The following ARHGEF28 variants were observed in gnomAD, a reference collection of about 807,000 sequenced individuals.
The protein encoded by ARHGEF28 is 190 kDa guanine nucleotide exchange factor.
In ARHGEF28, 152 loss-of-function variants were observed where a neutral mutation model predicts 206.6. The ratio of observed to expected loss-of-function variants is 0.74; its 90% CI spans 0.64 to 0.84. ARHGEF28 has a LOEUF of 0.84. Ranked by LOEUF, ARHGEF28 falls within the 40% of genes least tolerant of loss-of-function variation. The probability of loss-of-function intolerance (pLI) is 0.00; values close to 1 mark genes in which losing one functional copy is unlikely to be tolerated. For missense variants in ARHGEF28, 2,028 were observed against 2,073.2 expected, an observed-to-expected ratio of 0.98 and a Z score of 0.42; for synonymous variants, 763 against 776.4, an observed-to-expected ratio of 0.98 and a Z score of 0.29.
At chr5:73,917,480 T>A (rs1763274796) in intron 35 of ARHGEF28, among the ~76,000 whole-genome samples, 1 of 152,256 alleles carries the variant, frequency 6.6e-6, no homozygotes, top group Non-Finnish European at 1.5e-5. Context: ...GACATTCGCT[T>A]GTAGAGCCTG....
chr5:73,728,284 C>T (rs904952338), intron 2 of ARHGEF28, among the ~76,000 whole-genome samples: 6 of 152,136 alleles, frequency 3.9e-5, no homozygotes, highest in Non-Finnish European at 5.9e-5. Flanking sequence ...TTTGTTTCAT[C>T]CCAATGTAGT....
chr5:73,642,574 G>A (rs1449467143), intron 1 of ARHGEF28, among the ~76,000 whole-genome samples: 1 of 151,884 alleles, frequency 6.6e-6, no homozygotes, highest in African/African-American at 2.4e-5. Flanking sequence ...CTTCTCATTC[G>A]GTCACTCCCA....
chr5:73,764,222 G>C (rs1752772018), intron 4 of ARHGEF28, among the ~76,000 whole-genome samples: 1 of 152,208 alleles, frequency 6.6e-6, no homozygotes, highest in Non-Finnish European at 1.5e-5. Flanking sequence ...GGCTTGCTAT[G>C]TGTTCAAATC....
chr5:73,841,385 G>T (rs1467616847), intron 11 of ARHGEF28, among the ~76,000 whole-genome samples: 1 of 152,006 alleles, frequency 6.6e-6, no homozygotes, highest in Non-Finnish European at 1.5e-5. Flanking sequence ...TTATTATAGG[G>T]CACCTACATA....
intron 1 of ARHGEF28, among the ~76,000 whole-genome samples, chr5:73,677,617 T>C (rs1246884863): frequency 6.6e-6 from 1 of 152,076 alleles, no homozygotes; most frequent in Admixed American, 6.5e-5. Context: ...AGTCTAATAC[T>C]TTTTTTTAGA....
chr5:73,655,748 T>C (rs1205979403), intron 1 of ARHGEF28, among the ~76,000 whole-genome samples: 1 of 152,164 alleles, frequency 6.6e-6, no homozygotes, highest in Non-Finnish European at 1.5e-5. Flanking sequence ...GCCGCCCAGT[T>C]CTTAGTCTAG....
At position 73,795,342 on chromosome 5, in the gene ARHGEF28, C is replaced by T; in HGVS notation, c.975C>T (p.Ser325=). The change falls in exon 9 of 36, where the codon AGC becomes AGT. Residue 325 remains serine, a synonymous_variant. Coordinates refer to ENST00000513042, the MANE Select transcript of ARHGEF28 (RefSeq NM_001177693.2). ...AEKEDIKRVK[S]LVVQHNEHED... Reference sequence around the variant, plus strand: ...TTTATCTCTTCCAGCGTGTCAAAAGCCTGGTGGTTCAACACAATGAACATG... The same window carrying T: ...TTTATCTCTTCCAGCGTGTCAAAAGTCTGGTGGTTCAACACAATGAACATG... The T allele has an allele frequency of 6.2e-7, 1 of 1,613,702 alleles. No individual in the cohort carries two copies.
chr5:73,941,168 T>A lies in ARHGEF28; in HGVS notation c.*155T>A. 1 of 664,044 alleles carries A rather than the reference T, an allele frequency of 1.5e-6. No individual in the cohort carries two copies. Among genetic ancestry groups the A allele is most frequent in the Non-Finnish European group, 2.1e-6 (1 of 469,902 alleles). The allele number at this position is 664,044 out of a possible 1,614,324, so 41.1% of individuals were successfully genotyped here. Reference sequence around the variant, plus strand: ...GAAGCTCATTTTTTTGGCATGAGTCTAATTAAATTATTGAAAGCCACCCTG... The same window carrying A: ...GAAGCTCATTTTTTTGGCATGAGTCAAATTAAATTATTGAAAGCCACCCTG... On this transcript the variant is annotated 3_prime_UTR_variant, in exon 36 of 36. Coordinates refer to ENST00000513042, the MANE Select transcript of ARHGEF28 (RefSeq NM_001177693.2).
chr5:73,788,623 CA>C (rs1378252877), intron 7 of ARHGEF28, among the ~76,000 whole-genome samples: 1 of 152,130 alleles, frequency 6.6e-6, no homozygotes, highest in Non-Finnish European at 1.5e-5. Context: ...TGGACCACCA[CA>C]AAGGTCTTCA....
chr5:73,649,620 G>C (rs1744668669), intron 1 of ARHGEF28, among the ~76,000 whole-genome samples: 1 of 152,184 alleles, frequency 6.6e-6, no homozygotes, highest in Admixed American at 6.5e-5. Context: ...CTACTCTTTG[G>C]TTCCATATTA....
chr5:73,793,494 G>T (rs769935972), intron 7 of ARHGEF28, among the ~76,000 whole-genome samples: 1 of 152,210 alleles, frequency 6.6e-6, no homozygotes, highest in African/African-American at 2.4e-5. Flanking sequence ...TCTAGGTAAT[G>T]AACCTGCTGG....
At chr5:73,811,983 A>C (rs1445802063) in intron 9 of ARHGEF28, among the ~76,000 whole-genome samples, 2 of 93,296 alleles carry the variant, frequency 2.1e-5, no homozygotes. Flanking sequence ...CCTGTCTCAA[A>C]AAAAAAAAAA....
intron 22 of ARHGEF28, among the ~76,000 whole-genome samples, chr5:73,879,907 C>T (rs2931415): frequency 0.56 from 84,332 of 151,776 alleles, 24,207 homozygotes; most frequent in African/African-American, 0.69. Flanking sequence ...GCAGTCTGCC[C>T]GTTCTCAGAT....
intron 35 of ARHGEF28, among the ~76,000 whole-genome samples, chr5:73,921,181 A>G (rs191685831): frequency 6.6e-6 from 1 of 152,342 alleles, no homozygotes; most frequent in African/African-American, 2.4e-5. Context: ...CAGCCTTAAA[A>G]TGTTGCCTGA....
intron 30 of ARHGEF28, chr5:73,899,656 A>G (rs762253899): frequency 1.3e-5 from 2 of 152,248 alleles, no homozygotes; most frequent in Non-Finnish European, 2.9e-5. Flanking sequence ...AAGGTCTACA[A>G]CTGTGACTGA....
chr5:73,637,174 C>G lies in ARHGEF28; in HGVS notation c.-12+10852C>G, dbSNP rs549160277. ...AACATATTGAACTTAATGTACCTAACCCCAGTGAGGCTGGGTGGAGAATAT... is the reference window on the plus strand; with the variant it reads ...AACATATTGAACTTAATGTACCTAAGCCCAGTGAGGCTGGGTGGAGAATAT... On this transcript the variant is annotated intron_variant, in intron 1 of 35. Transcript: ENST00000513042. Among the ~76,000 whole-genome samples the G allele has an allele frequency of 2.6e-5, 4 of 152,234 alleles. 1 individual carries two copies. In the South Asian group the frequency reaches 6.2e-4, roughly 24 times the overall value.
intron 2 of ARHGEF28, among the ~76,000 whole-genome samples, chr5:73,737,440 TTCTTTTCTTTTCTTTTCTTTTCTTTTC>T: frequency 6.3e-5 from 1 of 15,874 alleles, no homozygotes; most frequent in Non-Finnish European, 1.1e-4. Context: ...GCCCTCTTCC[TTCTTTTCTTTTCTTTTCTTTTCTTTTC>T]TTTTCTTTTC....
chr5:73,733,896 C>T (rs188631470), intron 2 of ARHGEF28, among the ~76,000 whole-genome samples: 31 of 152,214 alleles, frequency 2.0e-4, no homozygotes, highest in Non-Finnish European at 4.1e-4. Flanking sequence ...AGAAAACTTA[C>T]AGTCATGGCA....
At chr5:73,755,804 A>G (rs1752277192) in intron 4 of ARHGEF28, among the ~76,000 whole-genome samples, 2 of 152,118 alleles carry the variant, frequency 1.3e-5, no homozygotes, top group Admixed American at 1.3e-4. Context: ...TTTCATTGCT[A>G]TTTGGGGATA....
Sources: gnomAD v4.1 joint callset for allele counts (sites outside exome capture counted in the v4.1 genomes callset) on GRCh38, gnomAD v4.1.1 for gene constraint, MANE v1.5 for transcripts, NCBI Gene and HGNC (gene_info 2026-07-23, HGNC 2026-07-21) for gene names.